The following ACAP2 variants were observed in gnomAD, a reference collection of about 807,000 sequenced individuals.
ACAP2 encodes the protein ArfGAP with coiled-coil, ankyrin repeat and PH domains 2, also known as arf-GAP with coiled-coil, ANK repeat and PH domain-containing protein 2.
ACAP2 carries 39 observed loss-of-function variants against 115.8 expected under a neutral mutation model. That is an observed-to-expected ratio of 0.34 (90% CI 0.26 to 0.44). ACAP2 has a LOEUF of 0.44. Ranked by LOEUF, ACAP2 falls within the 20% of genes least tolerant of loss-of-function variation. ACAP2 has a pLI of 1.00. For missense variants in ACAP2, 662 were observed against 927.6 expected (o/e 0.71, Z 3.72); for synonymous variants, 289 against 315.8 (o/e 0.92, Z 0.90).
Position 195,278,636 on chromosome 3 carries a change from A to C in ACAP2, c.*692T>G, listed in dbSNP as rs1726287934. The C allele has an allele frequency of 6.6e-6, 1 of 150,912 alleles. No homozygotes were observed. Among genetic ancestry groups the C allele is most frequent in the Non-Finnish European group, 1.5e-5 (1 of 67,790 alleles). The allele number at this position is 150,912 out of a possible 1,614,324, so 9.3% of individuals were successfully genotyped here. ...TTTTTTGTGATTAAAAAAAAAAAAG[A>C]GCTTCTTTTTGCTGCATAAAATAAA... On this transcript the variant is annotated 3_prime_UTR_variant, in exon 23 of 23. Transcript: ENST00000326793.
chr3:195,393,524 G>A (rs1051945534), intron 1 of ACAP2, among the ~76,000 whole-genome samples: 1 of 152,150 alleles, frequency 6.6e-6, no homozygotes, highest in Admixed American at 6.5e-5. Context: ...GGAGAAAATG[G>A]AAGGTGCTGC....
intron 2 of ACAP2, among the ~76,000 whole-genome samples, chr3:195,382,370 C>CA (rs112687081): frequency 2.8e-3 from 406 of 144,094 alleles, no homozygotes; most frequent in Middle Eastern, 0.018. Flanking sequence ...ACCATGTATT[C>CA]AAAAAAAAAA....
At chr3:195,386,258 T>C (rs910973788) in intron 2 of ACAP2, among the ~76,000 whole-genome samples, 2 of 152,196 alleles carry the variant, frequency 1.3e-5, no homozygotes, top group African/African-American at 2.4e-5. Context: ...TGACTGCTAA[T>C]AGATACAGGG....
At chr3:195,283,331 G>T (rs1400165515) in intron 22 of ACAP2, among the ~76,000 whole-genome samples, 2 of 152,204 alleles carry the variant, frequency 1.3e-5, no homozygotes, top group East Asian at 3.8e-4. Context: ...AAGAAACAGG[G>T]AGTCCCAGGT....
intron 1 of ACAP2, among the ~76,000 whole-genome samples, chr3:195,412,123 C>T (rs1410506370): frequency 7.7e-6 from 1 of 130,136 alleles, no homozygotes; most frequent in Admixed American, 9.1e-5. Flanking sequence ...CCAGGAGTTC[C>T]AGTTCAAGAC....
At chr3:195,298,178 C>T (rs931782958) in intron 15 of ACAP2, among the ~76,000 whole-genome samples, 6 of 151,794 alleles carry the variant, frequency 4.0e-5, no homozygotes, top group African/African-American at 1.5e-4. Flanking sequence ...ACAATGCTCT[C>T]TGGACCCAAC....
chr3:195,380,145 G>A (rs1167843629), intron 4 of ACAP2, among the ~76,000 whole-genome samples: 1 of 151,992 alleles, frequency 6.6e-6, no homozygotes, highest in Admixed American at 6.6e-5. Context: ...CTAGGTACAT[G>A]CCCAAAAGAA....
intron 1 of ACAP2, among the ~76,000 whole-genome samples, chr3:195,401,059 T>C (rs1463168920): frequency 6.6e-6 from 1 of 152,172 alleles, no homozygotes; most frequent in Non-Finnish European, 1.5e-5. Context: ...TTAACTACAT[T>C]ATAATCAGAA....
chr3:195,313,976 T>A (rs539089788), intron 10 of ACAP2, among the ~76,000 whole-genome samples: 15 of 152,288 alleles, frequency 9.8e-5, no homozygotes, highest in African/African-American at 3.4e-4. Context: ...ATTTATAAAA[T>A]TTTTGAGATA....
At chr3:195,287,203 C>T (rs1168915253) in intron 21 of ACAP2, among the ~76,000 whole-genome samples, 1 of 152,148 alleles carries the variant, frequency 6.6e-6, no homozygotes, top group South Asian at 2.1e-4. Context: ...AGTGACGATA[C>T]AAAACATGCT....
chr3:195,290,849 T>TAAATAAATAAATAAATAATA (rs1553843260), intron 20 of ACAP2, among the ~76,000 whole-genome samples: 3 of 134,192 alleles, frequency 2.2e-5, no homozygotes, highest in Admixed American at 7.7e-5. Context: ...AATAAATAAA[T>TAAATAAATAAATAAATAATA]AATAAATAAA....
chr3:195,327,422 T>C (rs1577306082), intron 8 of ACAP2, among the ~76,000 whole-genome samples: 1 of 152,184 alleles, frequency 6.6e-6, no homozygotes, highest in South Asian at 2.1e-4. Context: ...AAATTCACTC[T>C]AACAGCTACT....
At chr3:195,358,170 G>A (rs1732114486) in intron 4 of ACAP2, among the ~76,000 whole-genome samples, 1 of 152,106 alleles carries the variant, frequency 6.6e-6, no homozygotes, top group Non-Finnish European at 1.5e-5. Flanking sequence ...GTCTTGGGGT[G>A]CCCTCTAATG....
At chr3:195,372,117 C>T (rs756859311) in intron 4 of ACAP2, among the ~76,000 whole-genome samples, 16 of 152,138 alleles carry the variant, frequency 1.1e-4, no homozygotes, top group Middle Eastern at 3.4e-3. Context: ...AATATCAGAT[C>T]GAGAAGCTAA....
chr3:195,316,171 T>A (rs1729076562), intron 10 of ACAP2, among the ~76,000 whole-genome samples: 1 of 151,738 alleles, frequency 6.6e-6, no homozygotes, highest in South Asian at 2.1e-4. Context: ...ACCTTTATTA[T>A]AAAGACTCAC....
intron 4 of ACAP2, among the ~76,000 whole-genome samples, chr3:195,365,572 A>C (rs543224234): frequency 1.8e-3 from 279 of 152,170 alleles, no homozygotes; most frequent in African/African-American, 6.4e-3. Flanking sequence ...GTCTCTAAAA[A>C]AAAAAAAACA....
At chr3:195,326,745 CA>C (rs2108614849) in intron 9 of ACAP2, 139 bp downstream of exon 9, 1 of 683,132 alleles carries the variant, frequency 1.5e-6, no homozygotes, top group Non-Finnish European at 2.3e-6. Flanking sequence ...TTTTGCTCTT[CA>C]AAAACAAAAG....
rs572885381 is a variant in ACAP2, at chr3:195,359,442, G to T, written c.286-14125C>A. Among the ~76,000 whole-genome samples the T allele has an allele frequency of 3.8e-4, 58 of 152,246 alleles. No individual in the cohort carries two copies. In the Middle Eastern group the frequency reaches 0.017, roughly 45 times the overall value. On this transcript the variant is annotated intron_variant, in intron 4 of 22. Coordinates refer to ENST00000326793, the MANE Select transcript of ACAP2 (RefSeq NM_012287.6). The stretch of plus-strand genomic sequence containing the variant: ...AAACAGTAAAAAGTTACAAAGTGAG[G>T]ACACAGTGTTAAAGTATTGAGTTTT...
chr3:195,363,280 A>C (rs1027465789), intron 4 of ACAP2, among the ~76,000 whole-genome samples: 1 of 152,254 alleles, frequency 6.6e-6, no homozygotes, highest in Non-Finnish European at 1.5e-5. Flanking sequence ...ACATTGATGC[A>C]AAATGTTGAA....
Sources: allele counts gnomAD v4.1 joint callset (sites outside exome capture counted in the v4.1 genomes callset), GRCh38; gene constraint gnomAD v4.1.1; transcripts MANE v1.5; gene names NCBI Gene and HGNC (gene_info 2026-07-23, HGNC 2026-07-21).